NRG1: variants seen among roughly 807,000 people sequenced by gnomAD.
The protein encoded by NRG1 is pro-neuregulin-1, membrane-bound isoform.
In NRG1, 18 loss-of-function variants were observed where a neutral mutation model predicts 63.8. The observed-to-expected ratio is 0.28, with a 90% CI of 0.19 to 0.42. The LOEUF is 0.42. Among genes scored for constraint, NRG1 ranks in the 10% least tolerant of loss-of-function variants. The pLI is 1.00. For synonymous variants in NRG1, 302 were observed against 301.3 expected (o/e 1.00, Z -0.02); for missense variants, 762 against 814.7 (o/e 0.94, Z 0.79).
intron 5 of NRG1, among the ~76,000 whole-genome samples, chr8:32,640,733 A>G (rs1449415570): frequency 6.6e-6 from 1 of 152,036 alleles, no homozygotes; most frequent in Non-Finnish European, 1.5e-5. Context: ...GCAAAGGCTT[A>G]TCTTTCTATC....
chr8:32,204,338 A>C (rs1203543206), intron 1 of NRG1, among the ~76,000 whole-genome samples: 1 of 152,204 alleles, frequency 6.6e-6, no homozygotes, highest in African/African-American at 2.4e-5. Context: ...TTATTGTATC[A>C]TTAACAGCAT....
intron 1 of NRG1, among the ~76,000 whole-genome samples, chr8:31,958,129 G>C (rs1376256961): frequency 6.6e-6 from 1 of 151,936 alleles, no homozygotes. Flanking sequence ...GTTTGTGTGT[G>C]TGTTGTGTGT....
intron 1 of NRG1, among the ~76,000 whole-genome samples, chr8:32,255,273 T>A (rs1221880851): frequency 6.6e-6 from 1 of 152,216 alleles, no homozygotes; most frequent in African/African-American, 2.4e-5. Context: ...GTTGATGCAG[T>A]TTCTTCATAG....
intron 1 of NRG1, among the ~76,000 whole-genome samples, chr8:31,791,204 C>CAAAA (rs1820671628): frequency 8.7e-6 from 1 of 114,574 alleles, no homozygotes; most frequent in African/African-American, 3.9e-5. Flanking sequence ...TGAAACTGTG[C>CAAAA]CAAAAAAAAA....
intron 1 of NRG1, among the ~76,000 whole-genome samples, chr8:32,407,294 TTATATA>T (rs1226138188): frequency 5.3e-4 from 2 of 3,776 alleles, no homozygotes; most frequent in African/African-American, 7.9e-4. Context: ...TATATATATA[TTATATA>T]TATATATATA....
intron 1 of NRG1, among the ~76,000 whole-genome samples, chr8:32,337,707 C>T (rs1803497268): frequency 1.2e-5 from 1 of 81,706 alleles, no homozygotes; most frequent in Non-Finnish European, 2.9e-5. Context: ...GAAAGGGAAG[C>T]CTGAGCTATT....
At position 31,664,499 on chromosome 8, in the gene NRG1, T is replaced by C. The variant is rs530654861; in HGVS notation, c.37+25068T>C. 7.9e-5 allele frequency among the ~76,000 whole-genome samples: 12 copies of C among 152,332 alleles called. No homozygotes were observed. In the South Asian group the frequency reaches 2.5e-3, roughly 32 times the overall value. ...TGTTCTACTGATTCTCAAGAAGAAT[T>C]GAGAGTTCTTGCAGCAATTGTTATT... On this transcript the variant is annotated intron_variant, in intron 1 of 10. Coordinates refer to the NRG1 transcript ENST00000519301.
chr8:32,548,003 G>A (rs570125234), upstream of NRG1, among the ~76,000 whole-genome samples: 6 of 152,242 alleles, frequency 3.9e-5, no homozygotes, highest in South Asian at 6.2e-4. Flanking sequence ...GTCTCCGCCT[G>A]GGTTCCCGGG....
rs894345603 is a variant in NRG1 at position 32,361,643 on chromosome 8, T to C, written c.38-234185T>C. 3.3e-5 allele frequency among the ~76,000 whole-genome samples: 5 copies of C among 152,216 alleles called. No individual in the cohort carries two copies. The South Asian group carries it at 1.0e-3, about 32-fold the overall frequency. ...GTTTTACATACTTGGGTACTTCCCC[T>C]TGGTGATTCAAGAGGAGGCACTTTC... On this transcript the variant is annotated intron_variant, in intron 1 of 10. Transcript: ENST00000519301.
intron 1 of NRG1, among the ~76,000 whole-genome samples, chr8:32,261,990 A>T (rs1484084804): frequency 6.6e-6 from 1 of 152,156 alleles, no homozygotes; most frequent in African/African-American, 2.4e-5. Context: ...GATCGCCTTG[A>T]ATTCAAACCC....
intron 1 of NRG1, among the ~76,000 whole-genome samples, chr8:32,523,346 A>G (rs572959811): frequency 3.3e-5 from 5 of 152,368 alleles, no homozygotes; most frequent in African/African-American, 1.2e-4. Flanking sequence ...AAAAATGTAA[A>G]CCAGTGCTCT....
chr8:31,658,156 G>A (rs980214174), intron 1 of NRG1, among the ~76,000 whole-genome samples: 19 of 152,094 alleles, frequency 1.2e-4, no homozygotes, highest in Admixed American at 3.3e-4. Flanking sequence ...TCTACCCTAC[G>A]CTGACAAGTT....
At position 32,486,026 on chromosome 8, in the gene NRG1, TA is replaced by T. The variant is rs201648250; in HGVS notation, c.38-109800del. On this transcript the variant is annotated intron_variant, in intron 1 of 10. Coordinates refer to the NRG1 transcript ENST00000519301. Reference sequence around the variant, plus strand: ...CACTGCAACCTCCGCCTCCTGGGTTTAAGCAATTCTCCTGCCTCAGCCTCCC... The same window carrying T: ...CACTGCAACCTCCGCCTCCTGGGTTTAGCAATTCTCCTGCCTCAGCCTCCC... Among the ~76,000 whole-genome samples the T allele has an allele frequency of 1.7e-3, 253 of 152,024 alleles. 5 individuals carry two copies. The East Asian group carries it at 0.048, about 29-fold the overall frequency.
chr8:32,629,763 C>T (rs1420858291), intron 5 of NRG1, among the ~76,000 whole-genome samples: 1 of 151,800 alleles, frequency 6.6e-6, no homozygotes, highest in Non-Finnish European at 1.5e-5. Flanking sequence ...TCAGTTTCTC[C>T]TTTGATAGGA....
intron 1 of NRG1, among the ~76,000 whole-genome samples, chr8:31,906,460 G>C (rs1832529033): frequency 6.6e-6 from 1 of 152,168 alleles, no homozygotes; most frequent in Non-Finnish European, 1.5e-5. Flanking sequence ...TGCTACCATA[G>C]CTATATCTCT....
At position 32,742,541 on chromosome 8, in the gene NRG1, C is replaced by A; in HGVS notation, c.633-134C>A. 1 of 766,054 alleles carries A rather than the reference C, an allele frequency of 1.3e-6. No individual in the cohort carries two copies. Among genetic ancestry groups the A allele is most frequent in the Non-Finnish European group, 2.1e-6 (1 of 469,034 alleles). The allele number at this position is 766,054 out of a possible 1,614,324, so 47.5% of individuals were successfully genotyped here. On this transcript the variant is annotated intron_variant, in intron 6 of 11. Coordinates refer to ENST00000356819, the Ensembl canonical transcript of NRG1. This position sits in a 1 kb window ranked among gnomAD's most constrained non-coding sequence, Gnocchi z 4.2. ...CAGAGCCTGAAAGCCATGATCAGGG[C>A]AAAGATTCAGTTCCTGAGGGTGAAC...
intron 1 of NRG1, among the ~76,000 whole-genome samples, chr8:32,124,154 C>G (rs7014551): frequency 0.69 from 104,338 of 151,850 alleles, 37,003 homozygotes; most frequent in African/African-American, 0.87. Flanking sequence ...AGGGAACCTG[C>G]TAATACTTTA....
intron 1 of NRG1, among the ~76,000 whole-genome samples, chr8:31,782,551 G>T (rs1369288077): frequency 6.6e-6 from 1 of 152,140 alleles, no homozygotes; most frequent in East Asian, 1.9e-4. Flanking sequence ...ATAAATAATT[G>T]TTGAAATAAT....
At chr8:32,279,229 GC>G (rs1852435480) in intron 1 of NRG1, among the ~76,000 whole-genome samples, 2 of 152,172 alleles carry the variant, frequency 1.3e-5, no homozygotes, top group Non-Finnish European at 1.5e-5. Context: ...GCCTTTATGT[GC>G]CATACCGAGT....
Sources: gnomAD v4.1 joint callset for allele counts (sites outside exome capture counted in the v4.1 genomes callset) on GRCh38, gnomAD v4.1.1 for gene constraint, Gnocchi (gnomAD v3.1) non-coding constraint, MANE v1.5 for transcripts, NCBI Gene and HGNC (gene_info 2026-07-23, HGNC 2026-07-21) for gene names.